Variants in CNTNAP5 observed in about 807,000 individuals in gnomAD.
CNTNAP5 encodes contactin associated protein family member 5.
Under a neutral mutation model 150.2 loss-of-function variants are expected in CNTNAP5, and 72 were observed. The ratio of observed to expected loss-of-function variants is 0.48; its 90% CI spans 0.40 to 0.58. CNTNAP5 has a LOEUF of 0.58. Ranked by LOEUF, CNTNAP5 falls within the 20% of genes least tolerant of loss-of-function variation. The probability of loss-of-function intolerance (pLI) is 0.00; values close to 1 mark genes in which losing one functional copy is unlikely to be tolerated. For missense variants in CNTNAP5, 1,636 were observed against 1,626.2 expected, an observed-to-expected ratio of 1.01 and a Z score of -0.10; for synonymous variants, 672 against 619.8, an observed-to-expected ratio of 1.08 and a Z score of -1.25.
chr2:124,671,892 G>A (rs899631507), intron 13 of CNTNAP5, among the ~76,000 whole-genome samples: 7 of 152,022 alleles, frequency 4.6e-5, no homozygotes, highest in Non-Finnish European at 1.0e-4. Flanking sequence ...CTCCCGCTTT[G>A]GCCTCCCAAA....
At chr2:124,664,836 G>A (rs1678664963) in intron 13 of CNTNAP5, among the ~76,000 whole-genome samples, 1 of 152,158 alleles carries the variant, frequency 6.6e-6, no homozygotes, top group Admixed American at 6.5e-5. Context: ...ACAGGCATGT[G>A]CCACCATGCC....
In CNTNAP5 at chr2:124,558,095, C is replaced by A. The variant is rs1034519155; in HGVS notation, c.1650-5122C>A. On this transcript the variant is annotated intron_variant, in intron 10 of 23. Transcript: ENST00000682447. ...GATCTGCCTTAGGTTTTTATAGGGT[C>A]CCCCTTGCTCTTGTGTTGGGAATTA... is the stretch of plus-strand genomic sequence containing the variant. Among the ~76,000 whole-genome samples, 11 of 152,040 alleles carry A rather than the reference C, an allele frequency of 7.2e-5. No homozygotes were observed. In the East Asian group the frequency reaches 2.1e-3, roughly 29 times the overall value.
intron 1 of CNTNAP5, among the ~76,000 whole-genome samples, chr2:124,042,524 G>C (rs906233209): frequency 2.0e-5 from 3 of 152,128 alleles, no homozygotes; most frequent in Non-Finnish European, 4.4e-5. Flanking sequence ...AAGAGGGACT[G>C]AGGGTACATA....
chr2:124,597,776 C>T (rs1288813588), intron 11 of CNTNAP5, among the ~76,000 whole-genome samples: 13 of 152,104 alleles, frequency 8.5e-5, no homozygotes, highest in South Asian at 2.1e-4. Context: ...CACTTTCAGG[C>T]ACACCAATCA....
intron 1 of CNTNAP5, among the ~76,000 whole-genome samples, chr2:124,202,001 A>C (rs1685739706): frequency 6.6e-6 from 1 of 152,152 alleles, no homozygotes; most frequent in Non-Finnish European, 1.5e-5. Flanking sequence ...AATCTGAGTC[A>C]TATACATATT....
Position 124,117,165 on chromosome 2 carries a change from A to C in CNTNAP5, c.82+91433A>C, listed in dbSNP as rs527724252. On this transcript the variant is annotated intron_variant, in intron 1 of 23. Coordinates refer to ENST00000682447, the MANE Select transcript of CNTNAP5 (RefSeq NM_001367498.1). ...GATTTTCTGGTTTTGCTTTCAGAAA[A>C]TATAAACCGAGCCAAGAATTTGCAT... is the stretch of plus-strand genomic sequence containing the variant. 9.8e-5 allele frequency among the ~76,000 whole-genome samples: 15 copies of C among 152,304 alleles called. No homozygotes were observed. The South Asian group carries it at 3.1e-3, about 32-fold the overall frequency.
chr2:124,039,410 G>C (rs1681306868), intron 1 of CNTNAP5, among the ~76,000 whole-genome samples: 1 of 152,096 alleles, frequency 6.6e-6, no homozygotes, highest in African/African-American at 2.4e-5. Flanking sequence ...GGATAATACG[G>C]GGCAAACCCC....
At chr2:124,323,150 G>A (rs964571178) in intron 3 of CNTNAP5, among the ~76,000 whole-genome samples, 1 of 152,170 alleles carries the variant, frequency 6.6e-6, no homozygotes, top group African/African-American at 2.4e-5. Flanking sequence ...TAATGTGCAA[G>A]GCATACAGGA....
chr2:124,798,307 G>T lies in CNTNAP5; in HGVS notation c.3204G>T (p.Leu1068=). Residue 1068 remains leucine (L), a synonymous_variant, in exon 19 of 24, where the codon CTG becomes CTT. Transcript: ENST00000682447. ...CTTCTCAGGACTTCGTGGTTGTTCTGCTCTGCAAGAATGGTGAGTGTGATG... is the reference window on the plus strand; with the variant it reads ...CTTCTCAGGACTTCGTGGTTGTTCTTCTCTGCAAGAATGGTGAGTGTGATG... ...NSSSQDFVVV[L]LCKNGSLQVR... 1 of 1,611,952 alleles carries T rather than the reference G, an allele frequency of 6.2e-7. No homozygotes were observed. Among genetic ancestry groups the T allele is most frequent in the Non-Finnish European group, 8.5e-7 (1 of 1,178,120 alleles).
chr2:124,384,366 T>C (rs201172270), intron 3 of CNTNAP5, among the ~76,000 whole-genome samples: 1 of 152,320 alleles, frequency 6.6e-6, no homozygotes, highest in East Asian at 1.9e-4. Context: ...TTATATGTTA[T>C]TGTAGTAGGA....
At chr2:124,287,756 G>A (rs150540736) in intron 3 of CNTNAP5, among the ~76,000 whole-genome samples, 53 of 152,098 alleles carry the variant, frequency 3.5e-4, no homozygotes, top group African/African-American at 1.2e-3. Context: ...CCTGACTAGT[G>A]GAGTCTGCAA....
intron 21 of CNTNAP5, among the ~76,000 whole-genome samples, chr2:124,890,424 G>A (rs1351604018): frequency 6.6e-6 from 1 of 152,090 alleles, no homozygotes; most frequent in Non-Finnish European, 1.5e-5. Context: ...TTCCTAGTGA[G>A]TTTAAGCTCT....
rs1287236471 is a variant in CNTNAP5, at chr2:124,451,045, A to AT, written c.918+4108_918+4109insT. On this transcript the variant is annotated intron_variant, in intron 6 of 23. Transcript: ENST00000682447. The stretch of plus-strand genomic sequence containing the variant: ...CATGTCTCTTAAAAAAAAAAAAAAA[A>AT]AAAAAAATATATATATATATATATA... Among the ~76,000 whole-genome samples the AT allele has an allele frequency of 8.5e-3, 640 of 75,240 alleles. 10 individuals are homozygous for AT. Among genetic ancestry groups the AT allele is most frequent in the African/African-American group, 0.03 (577 of 18,986 alleles). The allele number at this position is 75,240 out of a possible 152,430, so 49.4% of individuals were successfully genotyped here. A position where few individuals can be genotyped will look rare whatever the true frequency, so the allele number is the denominator to read the frequency against.
chr2:124,304,591 A>G (rs1000013064), intron 3 of CNTNAP5, among the ~76,000 whole-genome samples: 5 of 152,042 alleles, frequency 3.3e-5, no homozygotes, highest in African/African-American at 1.2e-4. Flanking sequence ...TATGAACAGA[A>G]CCTCCTTTAA....
intron 3 of CNTNAP5, among the ~76,000 whole-genome samples, chr2:124,344,115 T>A (rs368579418): frequency 1.3e-5 from 2 of 152,134 alleles, no homozygotes; most frequent in Non-Finnish European, 2.9e-5. Context: ...CACCTCCCAA[T>A]GCAAACACAT....
intron 14 of CNTNAP5, among the ~76,000 whole-genome samples, chr2:124,750,907 C>A (rs1304998753): frequency 1.3e-5 from 2 of 149,376 alleles, no homozygotes; most frequent in African/African-American, 2.5e-5. Context: ...TCACTTGAAC[C>A]CAGAAGGTGG....
At chr2:124,199,630 G>T (rs1389711871) in intron 1 of CNTNAP5, among the ~76,000 whole-genome samples, 2 of 151,858 alleles carry the variant, frequency 1.3e-5, no homozygotes, top group Non-Finnish European at 2.9e-5. Flanking sequence ...GGTCAGGCTG[G>T]TCTTGAACTC....
At chr2:124,452,308 A>G (rs1271454909) in intron 6 of CNTNAP5, among the ~76,000 whole-genome samples, 1 of 151,944 alleles carries the variant, frequency 6.6e-6, no homozygotes, top group Non-Finnish European at 1.5e-5. Context: ...GACACAGCAA[A>G]GGCACCCATA....
intron 3 of CNTNAP5, among the ~76,000 whole-genome samples, chr2:124,252,812 T>C (rs1368891819): frequency 6.6e-6 from 1 of 152,114 alleles, no homozygotes; most frequent in Admixed American, 6.6e-5. Flanking sequence ...TTTGAGGTAT[T>C]AAAGTTTGCA....
Sources: allele counts gnomAD v4.1 joint callset (sites outside exome capture counted in the v4.1 genomes callset), GRCh38; gene constraint gnomAD v4.1.1; transcripts MANE v1.5; gene names NCBI Gene and HGNC (gene_info 2026-07-23, HGNC 2026-07-21).